The following NRXN2 variants were observed in gnomAD, a reference collection of about 807,000 sequenced individuals.
NRXN2 encodes the protein neurexin-2-beta.
In NRXN2, 29 loss-of-function variants were observed where a neutral mutation model predicts 128.8. The observed-to-expected ratio is 0.23, with a 90% CI of 0.17 to 0.31. NRXN2 has a LOEUF of 0.31. Ranked by LOEUF, NRXN2 falls within the 10% of genes least tolerant of loss-of-function variation. The pLI, the probability that NRXN2 is intolerant of heterozygous loss-of-function variation, is 1.00. For missense variants in NRXN2, 1,881 were observed against 2,452.6 expected (o/e 0.77, Z 4.92); for synonymous variants, 1,098 against 1,075.2 (o/e 1.02, Z -0.41).
chr11:64,672,331 TG>T (rs1231109703), intron 7 of NRXN2, among the ~76,000 whole-genome samples: 1 of 152,142 alleles, frequency 6.6e-6, no homozygotes, highest in Non-Finnish European at 1.5e-5. Flanking sequence ...TCCACATTGG[TG>T]GGCACTCCAT....
intron 11 of NRXN2, among the ~76,000 whole-genome samples, chr11:64,653,994 G>A (rs1428406054): frequency 6.6e-6 from 1 of 152,108 alleles, no homozygotes; most frequent in Non-Finnish European, 1.5e-5. Context: ...CTTCTTAGAG[G>A]GTACCAGGCC....
At chr11:64,612,483 C>G (rs1413021541) in intron 22 of NRXN2, among the ~76,000 whole-genome samples, 1 of 152,224 alleles carries the variant, frequency 6.6e-6, no homozygotes, top group Non-Finnish European at 1.5e-5. Context: ...CCTCTGCATC[C>G]TAAGAAAAAC....
At chr11:64,701,064 T>C (rs2055280270) in intron 2 of NRXN2, among the ~76,000 whole-genome samples, 2 of 152,196 alleles carry the variant, frequency 1.3e-5, no homozygotes, top group Non-Finnish European at 2.9e-5. Flanking sequence ...GGCCAGGCCC[T>C]GGTGAGGCCA....
chr11:64,648,879 C>T lies in NRXN2; in HGVS notation c.3138G>A (p.Lys1046=). ...KGELYIGGLS[K]NMFSNLPKLV... Reference sequence around the variant, plus strand: ...GCTTGGGCAGGTTGCTGAACATATTCTTGCTCAGACCGCCAATGTACAACT... The same window carrying T: ...GCTTGGGCAGGTTGCTGAACATATTTTTGCTCAGACCGCCAATGTACAACT... Residue 1046 remains lysine (K), a synonymous_variant, in exon 16 of 23, where the codon AAG becomes AAA. Transcript: ENST00000265459. The surrounding 1 kb of genome is among the most constrained non-coding windows in gnomAD (Gnocchi z 4.1). The T allele has an allele frequency of 1.2e-6, 2 of 1,614,206 alleles. No individual in the cohort carries two copies. The highest frequency in any genetic ancestry group is 1.1e-5 in the South Asian group (1 of 91,078).
chr11:64,618,998 T>C (rs2041934480), intron 22 of NRXN2, among the ~76,000 whole-genome samples: 2 of 152,124 alleles, frequency 1.3e-5, no homozygotes, highest in Admixed American at 1.3e-4. Context: ...CATGCTATGG[T>C]CCTGCTCTAT....
chr11:64,713,378 C>T lies in NRXN2; in HGVS notation c.322G>A (p.Ala108Thr), dbSNP rs1250021653. ...AGCACCATGTGCCAGCGGTCGTCGG[C>T]CACCGGCGTGTCCAGCTGCAGCGTG... ...PATLQLDTPV[A>T]DDRWHMVLLT... The change falls in exon 2 of 23, where the codon GCC (alanine) becomes ACC (threonine). Residue 108 changes from alanine (A) to threonine (T), a missense_variant. Physicochemically the swap from Ala to Thr is moderately conservative, Grantham distance 58. Coordinates refer to ENST00000265459, the MANE Select transcript of NRXN2 (RefSeq NM_015080.4). 64 of 1,455,134 alleles carry T rather than the reference C, an allele frequency of 4.4e-5. No homozygotes were observed. Among genetic ancestry groups the T allele is most frequent in the Non-Finnish European group, 5.6e-5 (62 of 1,108,156 alleles). 90.1% of individuals were successfully genotyped at this position (1,455,134 alleles called of 1,614,324 possible). A position where few individuals can be genotyped will look rare whatever the true frequency, so the allele number is the denominator to read the frequency against.
At chr11:64,692,168 C>T (rs577857120) in intron 4 of NRXN2, among the ~76,000 whole-genome samples, 1 of 152,326 alleles carries the variant, frequency 6.6e-6, no homozygotes, top group African/African-American at 2.4e-5. Flanking sequence ...TGTGGAATCA[C>T]TAACAAGTCA....
rs1333491955 is a variant in NRXN2, at chr11:64,631,737, G to C, written c.3586-1164C>G. Among the ~76,000 whole-genome samples, 2 of 152,122 alleles carry C rather than the reference G, an allele frequency of 1.3e-5. No homozygotes were observed. Among genetic ancestry groups the C allele is most frequent in the Non-Finnish European group, 2.9e-5 (2 of 68,016 alleles). ...TCTAGGAAGACCCTGACTCAAGGAGGTGGGGGTGTGGGATGATCCAAGAGG... is the reference window on the plus strand; with the variant it reads ...TCTAGGAAGACCCTGACTCAAGGAGCTGGGGGTGTGGGATGATCCAAGAGG... On this transcript the variant is annotated intron_variant, in intron 18 of 22. Coordinates refer to ENST00000265459, the MANE Select transcript of NRXN2 (RefSeq NM_015080.4). The surrounding 1 kb of genome is among the most constrained non-coding windows in gnomAD (Gnocchi z 4.8).
chr11:64,641,862 G>A (rs551073056), intron 17 of NRXN2, among the ~76,000 whole-genome samples: 2 of 152,154 alleles, frequency 1.3e-5, no homozygotes, highest in East Asian at 1.9e-4. Flanking sequence ...AGGGGACATG[G>A]AAGGGAGACA....
Position 64,635,418 on chromosome 11 carries a change from C to A in NRXN2, c.3438G>T (p.Ala1146=). The A allele has an allele frequency of 1.9e-6, 3 of 1,613,804 alleles. No individual in the cohort carries two copies. The highest frequency in any genetic ancestry group is 2.5e-6 in the Non-Finnish European group (3 of 1,179,994). ...TGGGGGGCCACGTGTAGGTGATGAG[C>A]GCTCCCCCCTTCCCAAAGATGTATG... The part of the protein sequence containing the change: ...GTTYIFGKGG[A]LITYTWPPND... The change falls in exon 18 of 23, where the codon GCG becomes GCT. Residue 1146 remains alanine, a synonymous_variant. Coordinates refer to ENST00000265459, the MANE Select transcript of NRXN2 (RefSeq NM_015080.4). The surrounding 1 kb of genome is among the most constrained non-coding windows in gnomAD (Gnocchi z 4.8).
chr11:64,657,900 G>T (rs1439572121), intron 11 of NRXN2, among the ~76,000 whole-genome samples: 1 of 152,208 alleles, frequency 6.6e-6, no homozygotes, highest in Non-Finnish European at 1.5e-5. Flanking sequence ...TAAGAAATGG[G>T]TGGGAGGAGA....
intron 11 of NRXN2, among the ~76,000 whole-genome samples, chr11:64,658,411 T>C (rs2048558445): frequency 6.6e-6 from 1 of 152,030 alleles, no homozygotes. Context: ...TTGACTAGAG[T>C]GTCTCCCAGC....
rs1265799220 is a variant in NRXN2, at chr11:64,714,459, A to G, written c.-244-516T>C. 1.3e-5 allele frequency among the ~76,000 whole-genome samples: 2 copies of G among 152,132 alleles called. No individual in the cohort carries two copies. Among genetic ancestry groups the G allele is most frequent in the Non-Finnish European group, 2.9e-5 (2 of 68,030 alleles). On this transcript the variant is annotated intron_variant, in intron 1 of 22. Coordinates refer to ENST00000265459, the MANE Select transcript of NRXN2 (RefSeq NM_015080.4). The surrounding 1 kb of genome is among the most constrained non-coding windows in gnomAD (Gnocchi z 4.5). ...AATGCCAATTCGTCGATGGTATCAC[A>G]GGGTAACCAGACTGGGAAGGGGGCA...
intron 22 of NRXN2, among the ~76,000 whole-genome samples, chr11:64,609,299 G>A (rs2040241881): frequency 1.3e-5 from 2 of 151,940 alleles, no homozygotes; most frequent in Non-Finnish European, 2.9e-5. Flanking sequence ...ACCTGGCCAG[G>A]GCTTGACTGC....
intron 2 of NRXN2, among the ~76,000 whole-genome samples, chr11:64,701,895 A>G (rs1592220634): frequency 2.3e-5 from 2 of 85,504 alleles, no homozygotes; most frequent in Admixed American, 1.1e-4. Context: ...TCTGTCCGGG[A>G]GGGAGGTGGG....
At chr11:64,722,532 C>G (rs2057460593) in intron 1 of NRXN2, among the ~76,000 whole-genome samples, 1 of 151,886 alleles carries the variant, frequency 6.6e-6, no homozygotes, top group Non-Finnish European at 1.5e-5. Context: ...TCTCTCTCTT[C>G]TCCAGCCCCC....
At position 64,667,575 on chromosome 11, in the gene NRXN2, G is replaced by T. The variant is rs532793027; in HGVS notation, c.1473C>A (p.Ala491=). The T allele has an allele frequency of 6.2e-7, 1 of 1,614,226 alleles. No homozygotes were observed. The highest frequency in any genetic ancestry group is 1.3e-5 in the African/African-American group (1 of 75,054). The change falls in exon 9 of 23, where the codon GCC becomes GCA. Residue 491 remains alanine, a synonymous_variant. Transcript: ENST00000265459. The surrounding 1 kb of genome is among the most constrained non-coding windows in gnomAD (Gnocchi z 5.6). ...DLSFRCEDVA[A]LDPVTFESPE... The stretch of plus-strand genomic sequence containing the variant: ...GACTCTCAAAGGTCACAGGGTCCAG[G>T]GCAGCCACATCCTCACAGCGGAATG...
chr11:64,643,347 G>T lies in NRXN2; in HGVS notation c.3403+4872C>A. ...GCCCGACGGAGGCCGGGGGAAAGGAGGGAGCGGCCGGGGGAGGGGGGGGCG... is the reference window on the plus strand; with the variant it reads ...GCCCGACGGAGGCCGGGGGAAAGGATGGAGCGGCCGGGGGAGGGGGGGGCG... On this transcript the variant is annotated intron_variant, in intron 17 of 22. Coordinates refer to ENST00000265459, the MANE Select transcript of NRXN2 (RefSeq NM_015080.4). 4 of 920,694 alleles carry T rather than the reference G, an allele frequency of 4.3e-6. No homozygotes were observed. The South Asian group carries it at 2.0e-4, about 47-fold the overall frequency. The allele number at this position is 920,694 out of a possible 1,614,324, so 57.0% of individuals were successfully genotyped here. A position where few individuals can be genotyped will look rare whatever the true frequency, so the allele number is the denominator to read the frequency against.
chr11:64,690,812 T>C (rs1359590045), intron 4 of NRXN2, among the ~76,000 whole-genome samples: 1 of 152,128 alleles, frequency 6.6e-6, no homozygotes, highest in Non-Finnish European at 1.5e-5. Flanking sequence ...CCCTCAGCAC[T>C]GGAGGCCCCC....
Sources: gnomAD v4.1 joint callset for allele counts (sites outside exome capture counted in the v4.1 genomes callset) on GRCh38, gnomAD v4.1.1 for gene constraint, Gnocchi (gnomAD v3.1) non-coding constraint, MANE v1.5 for transcripts, NCBI Gene and HGNC (gene_info 2026-07-23, HGNC 2026-07-21) for gene names.